Variants in SUFU observed in about 807,000 individuals in gnomAD.
SUFU encodes the protein SUFU negative regulator of hedgehog signaling.
In SUFU, 7 loss-of-function variants were observed where a neutral mutation model predicts 58.9. The ratio of observed to expected loss-of-function variants is 0.12; its 90% confidence interval spans 0.07 to 0.22. The LOEUF is 0.22. SUFU is among the 10% of genes least tolerant of loss of function. The pLI is 1.00. For synonymous variants in SUFU, 232 were observed against 254.8 expected (o/e 0.91, Z 0.85); for missense variants, 451 against 641.3 (o/e 0.70, Z 3.20).
rs2063703758 is a variant in SUFU at position 102,617,935 on chromosome 10, TTCC to T, written c.1296+512_1296+514del. Reference sequence around the variant, plus strand: ...CTACCCCCATCTGACAGCCCTCCCGTTCCTCCTGAGTTTGTGTGACCAGAGACC... The same window carrying T: ...CTACCCCCATCTGACAGCCCTCCCGTTCCTGAGTTTGTGTGACCAGAGACC... On this transcript the variant is annotated intron_variant, in intron 10 of 11. Transcript: ENST00000369902. The surrounding 1 kb of genome is among the most constrained non-coding windows in gnomAD (Gnocchi z 4.4). 1 of 211,838 alleles carries T rather than the reference TTCC, an allele frequency of 4.7e-6. No individual in the cohort carries two copies. Among genetic ancestry groups the T allele is most frequent in the African/African-American group, 2.3e-5 (1 of 43,564 alleles). The allele number at this position is 211,838 out of a possible 1,614,324, so 13.1% of individuals were successfully genotyped here.
intron 3 of SUFU, among the ~76,000 whole-genome samples, chr10:102,574,523 G>A (rs2063193976): frequency 6.6e-6 from 1 of 152,130 alleles, no homozygotes; most frequent in African/African-American, 2.4e-5. Flanking sequence ...TAAGACGAGA[G>A]GATTGCTTGA....
chr10:102,537,045 A>G (rs1450357958), intron 2 of SUFU, among the ~76,000 whole-genome samples: 1 of 151,566 alleles, frequency 6.6e-6, no homozygotes, highest in East Asian at 1.9e-4. Flanking sequence ...TCCTGACCTC[A>G]GGTGATCTGC....
At position 102,597,272 on chromosome 10, in the gene SUFU, C is replaced by T. The variant is rs2135882237; in HGVS notation, c.889C>T (p.Pro297Ser). ...DSRSICIGTQ[P>S]RRLSGKDTEQ... ...CCGGAGCATCTGCATCGGCACACAGCCCCGGCGACTCTCTGGCAAAGGTGG... is the reference window on the plus strand; with the variant it reads ...CCGGAGCATCTGCATCGGCACACAGTCCCGGCGACTCTCTGGCAAAGGTGG... Residue 297 changes from proline to serine, a missense_variant, in exon 7 of 12, where the codon CCC becomes TCC. Physicochemically the swap from Pro to Ser is moderately conservative, Grantham distance 74. Coordinates refer to ENST00000369902, the MANE Select transcript of SUFU (RefSeq NM_016169.4). 6.2e-7 allele frequency: 1 copy of T among 1,613,646 alleles called. No homozygotes were observed. Among genetic ancestry groups the T allele is most frequent in the Non-Finnish European group, 8.5e-7 (1 of 1,179,908 alleles).
Position 102,629,654 on chromosome 10 carries a change from A to T in SUFU, c.1366-412A>T, listed in dbSNP as rs138343101. On this transcript the variant is annotated intron_variant, in intron 11 of 11. Coordinates refer to ENST00000369902, the MANE Select transcript of SUFU (RefSeq NM_016169.4). This position sits in a 1 kb window ranked among gnomAD's most constrained non-coding sequence, Gnocchi z 4.7. ...CTTCCTGCACTAGCCTCTGAAAGAG[A>T]GGCCATGGCAGTGACAGAGCTCAGG... Among the ~76,000 whole-genome samples, 2 of 152,252 alleles carry T rather than the reference A, an allele frequency of 1.3e-5. No homozygotes were observed. The highest frequency in any genetic ancestry group is 2.9e-5 in the Non-Finnish European group (2 of 68,006).
At chr10:102,586,386 G>A (rs1318559167) in intron 3 of SUFU, among the ~76,000 whole-genome samples, 1 of 151,892 alleles carries the variant, frequency 6.6e-6, no homozygotes, top group Non-Finnish European at 1.5e-5. Flanking sequence ...TTTAAAATGT[G>A]ATTAAGCCTG....
chr10:102,608,192 C>A (rs2063581854), intron 8 of SUFU, among the ~76,000 whole-genome samples: 1 of 151,746 alleles, frequency 6.6e-6, no homozygotes, highest in Non-Finnish European at 1.5e-5. Context: ...CCATTGCACT[C>A]CAGCCTGGGC....
At chr10:102,549,056 T>C (rs1383360742) in intron 2 of SUFU, among the ~76,000 whole-genome samples, 1 of 152,116 alleles carries the variant, frequency 6.6e-6, no homozygotes, top group Non-Finnish European at 1.5e-5. Context: ...GCCCACCCAG[T>C]ATTTGGAATC....
In SUFU at chr10:102,599,552, C is replaced by G. The variant is rs752508897; in HGVS notation, c.1022+8C>G. The G allele has an allele frequency of 6.2e-7, 1 of 1,612,102 alleles. No individual in the cohort carries two copies. Among genetic ancestry groups the G allele is most frequent in the East Asian group, 2.2e-5 (1 of 44,866 alleles). ...CGCCCACGACCGGGCCCCGTAAGTT[C>G]CCCAGTGTCCCTGGGCTGGAACAAG... is the stretch of plus-strand genomic sequence containing the variant. On this transcript the variant is annotated splice_region_variant and intron_variant, in intron 8 of 11. Transcript: ENST00000369902.
chr10:102,559,267 G>A (rs2135767896), intron 3 of SUFU, among the ~76,000 whole-genome samples: 1 of 152,326 alleles, frequency 6.6e-6, no homozygotes, highest in Admixed American at 6.5e-5. Context: ...TATTGGCTGG[G>A]AATGGGCCTG....
intron 8 of SUFU, among the ~76,000 whole-genome samples, chr10:102,608,449 CAGTT>C (rs2063585758): frequency 1.3e-5 from 2 of 152,314 alleles, no homozygotes; most frequent in East Asian, 3.9e-4. Flanking sequence ...AAAAAGCACA[CAGTT>C]AGTGCCAAGG....
intron 3 of SUFU, among the ~76,000 whole-genome samples, chr10:102,567,290 C>T (rs1446280614): frequency 1.3e-5 from 2 of 151,816 alleles, no homozygotes; most frequent in Admixed American, 6.6e-5. Context: ...GGATTACAGG[C>T]GTGAGCCACT....
rs539603545 is a variant in SUFU, at chr10:102,629,620, T to G, written c.1366-446T>G. 7.9e-5 allele frequency among the ~76,000 whole-genome samples: 12 copies of G among 152,242 alleles called. No homozygotes were observed. The East Asian group carries it at 2.3e-3, about 29-fold the overall frequency. On this transcript the variant is annotated intron_variant, in intron 11 of 11. Coordinates refer to ENST00000369902, the MANE Select transcript of SUFU (RefSeq NM_016169.4). This position sits in a 1 kb window ranked among gnomAD's most constrained non-coding sequence, Gnocchi z 4.7. The stretch of plus-strand genomic sequence containing the variant: ...TTGGCCAAGTATACAGAGGACAGGT[T>G]CCAGGGTTCTTCCTGCACTAGCCTC...
intron 9 of SUFU, 94 bp downstream of exon 9, chr10:102,615,496 C>G: frequency 6.3e-7 from 1 of 1,591,188 alleles, no homozygotes. Context: ...CCTCCCCCAG[C>G]AGGCGTCCTC....
chr10:102,529,799 G>A (rs1185489115), intron 2 of SUFU, among the ~76,000 whole-genome samples: 2 of 151,998 alleles, frequency 1.3e-5, no homozygotes, highest in African/African-American at 4.8e-5. Flanking sequence ...ACAAAAATTA[G>A]CTGGGCATGG....
At position 102,569,063 on chromosome 10, in the gene SUFU, GT is replaced by G. The variant is rs1190165868; in HGVS notation, c.454+18960del. Among the ~76,000 whole-genome samples the G allele has an allele frequency of 2.0e-5, 3 of 150,164 alleles. No homozygotes were observed. The Admixed American group carries it at 2.0e-4, about 10-fold the overall frequency. ...ACCCCTCTGGATGAACTTGCAGATAGTTTCCAGTTTTCCCTATTTTAAACAA... is the reference window on the plus strand; with the variant it reads ...ACCCCTCTGGATGAACTTGCAGATAGTTCCAGTTTTCCCTATTTTAAACAA... On this transcript the variant is annotated intron_variant, in intron 3 of 11. Transcript: ENST00000369902.
In SUFU at chr10:102,630,675, G is replaced by A. The variant is rs757315966; in HGVS notation, c.*520G>A. 15 of 296,314 alleles carry A rather than the reference G, an allele frequency of 5.1e-5. No individual in the cohort carries two copies. Among genetic ancestry groups the A allele is most frequent in the Admixed American group, 9.2e-5 (2 of 21,716 alleles). The allele number at this position is 296,314 out of a possible 1,614,324, so 18.4% of individuals were successfully genotyped here. Reference sequence around the variant, plus strand: ...TTCCTTATTTTATTTTGTAGAAACCGGGTGGTATTTTATTGCTCTGCAAAG... The same window carrying A: ...TTCCTTATTTTATTTTGTAGAAACCAGGTGGTATTTTATTGCTCTGCAAAG... On this transcript the variant is annotated 3_prime_UTR_variant, in exon 12 of 12. Transcript: ENST00000369902.
At chr10:102,551,352 G>A (rs1172675876) in intron 3 of SUFU, among the ~76,000 whole-genome samples, 1 of 152,084 alleles carries the variant, frequency 6.6e-6, no homozygotes, top group Non-Finnish European at 1.5e-5. Context: ...GTGGGACTAG[G>A]GCAGGCCAGG....
At chr10:102,618,802 C>G in intron 10 of SUFU, 1 of 548,502 alleles carries the variant, frequency 1.8e-6, no homozygotes, top group East Asian at 2.9e-5. Context: ...TCCCGGGCTG[C>G]TGCGTCTGCC....
At chr10:102,593,515 T>C (rs2135869829) in intron 4 of SUFU, 121 bp from the exon 5 acceptor site, 2 of 1,002,262 alleles carry the variant, frequency 2.0e-6, no homozygotes, top group Non-Finnish European at 3.2e-6. Flanking sequence ...CACCAGCTCC[T>C]GAGCACAGAT....
Sources: gnomAD v4.1 joint callset for allele counts (sites outside exome capture counted in the v4.1 genomes callset) on GRCh38, gnomAD v4.1.1 for gene constraint, Gnocchi (gnomAD v3.1) non-coding constraint, MANE v1.5 for transcripts, NCBI Gene and HGNC (gene_info 2026-07-23, HGNC 2026-07-21) for gene names.